Variants in TWSG1 observed in about 807,000 individuals in gnomAD.
The protein encoded by TWSG1 is twisted gastrulation protein homolog 1.
In TWSG1, 15 loss-of-function variants were observed where a neutral mutation model predicts 23.0. The observed-to-expected ratio is 0.65, with a 90% CI of 0.44 to 1.00. The LOEUF (loss-of-function observed/expected upper bound fraction) is 1.00. Ranked by LOEUF, TWSG1 falls within the 50% of genes least tolerant of loss-of-function variation. The probability of loss-of-function intolerance (pLI) is 0.00; values close to 1 mark genes in which losing one functional copy is unlikely to be tolerated. For synonymous variants in TWSG1, 86 were observed against 92.8 expected (o/e 0.93, Z 0.42); for missense variants, 242 against 278.7 (o/e 0.87, Z 0.94).
intron 3 of TWSG1, among the ~76,000 whole-genome samples, chr18:9,387,530 C>T (rs2040690605): frequency 6.6e-6 from 1 of 151,796 alleles, no homozygotes; most frequent in African/African-American, 2.4e-5. Flanking sequence ...TTTGGGAGTC[C>T]GAGGTGGGCA....
intron 2 of TWSG1, among the ~76,000 whole-genome samples, chr18:9,357,320 T>C (rs2040531587): frequency 6.6e-6 from 1 of 152,208 alleles, no homozygotes; most frequent in Admixed American, 6.5e-5. Flanking sequence ...TACACTTATA[T>C]CAAACTAATG....
chr18:9,335,471 A>G (rs112515358), intron 1 of TWSG1, among the ~76,000 whole-genome samples: 116 of 152,378 alleles, frequency 7.6e-4, no homozygotes, highest in African/African-American at 2.7e-3. Context: ...TTTTCCAGTG[A>G]AATTTGGGGA....
intron 4 of TWSG1, 133 bp from the exon 5 acceptor site, chr18:9,399,213 A>G (rs2040751537): frequency 2.2e-6 from 1 of 457,172 alleles, no homozygotes; most frequent in South Asian, 7.3e-5. Context: ...CCTGTACCTC[A>G]TCTTTGTCAT....
intron 3 of TWSG1, among the ~76,000 whole-genome samples, chr18:9,364,478 C>A (rs1438966237): frequency 6.6e-6 from 1 of 152,118 alleles, no homozygotes; most frequent in Non-Finnish European, 1.5e-5. Flanking sequence ...TGACCATTGC[C>A]TGAGTCAGCT....
rs534266336 is a variant in TWSG1, at chr18:9,336,009, CTG to C, written c.-38+1093_-38+1094del. Among the ~76,000 whole-genome samples the C allele has an allele frequency of 3.8e-3, 579 of 152,246 alleles. 4 individuals are homozygous for C. Among genetic ancestry groups the C allele is most frequent in the African/African-American group, 0.013 (551 of 41,540 alleles). On this transcript the variant is annotated intron_variant, in intron 1 of 4. Transcript: ENST00000262120. ...TGTATACTGTTTGGCCCCTGTCAGACTGTGTTTGTGCTAGTCTTTTTTCCTTC... is the reference window on the plus strand; with the variant it reads ...TGTATACTGTTTGGCCCCTGTCAGACTGTTTGTGCTAGTCTTTTTTCCTTC...
intron 3 of TWSG1, among the ~76,000 whole-genome samples, chr18:9,372,917 T>C (rs545587838): frequency 4.6e-5 from 7 of 152,320 alleles, no homozygotes; most frequent in Non-Finnish European, 1.5e-5. Flanking sequence ...ATATTAGTAA[T>C]CATTTTGAAC....
chr18:9,338,902 A>G (rs2040433782), intron 2 of TWSG1, among the ~76,000 whole-genome samples: 1 of 152,250 alleles, frequency 6.6e-6, no homozygotes, highest in South Asian at 2.1e-4. Context: ...TCAAGTAATT[A>G]AAAATTGTAC....
chr18:9,339,898 C>T (rs2040438596), intron 2 of TWSG1, among the ~76,000 whole-genome samples: 1 of 152,290 alleles, frequency 6.6e-6, no homozygotes, highest in Admixed American at 6.5e-5. Flanking sequence ...CTTCACCTAA[C>T]TCAAATGGTG....
At chr18:9,393,853 G>A (rs28455986) in intron 3 of TWSG1, among the ~76,000 whole-genome samples, 27,963 of 152,154 alleles carry the variant, frequency 0.18, 2,738 homozygotes, top group South Asian at 0.24. Context: ...GAGCTATGAT[G>A]TCTGACCTAA....
intron 3 of TWSG1, among the ~76,000 whole-genome samples, chr18:9,366,865 A>G (rs1381612404): frequency 6.6e-6 from 1 of 152,162 alleles, no homozygotes; most frequent in Non-Finnish European, 1.5e-5. Flanking sequence ...TACATTGTGG[A>G]ATGGCTACAT....
chr18:9,387,190 A>G (rs1374280243), intron 3 of TWSG1, among the ~76,000 whole-genome samples: 2 of 152,238 alleles, frequency 1.3e-5, no homozygotes, highest in African/African-American at 4.8e-5. Flanking sequence ...TATCATTGAG[A>G]AGCAGAATAA....
intron 2 of TWSG1, among the ~76,000 whole-genome samples, chr18:9,349,033 T>G (rs2040489919): frequency 6.6e-6 from 1 of 152,182 alleles, no homozygotes; most frequent in Non-Finnish European, 1.5e-5. Context: ...TAAATATTTA[T>G]TTTGTGCTTC....
chr18:9,382,920 T>G (rs1337787666), intron 3 of TWSG1, among the ~76,000 whole-genome samples: 2 of 151,886 alleles, frequency 1.3e-5, no homozygotes, highest in Non-Finnish European at 2.9e-5. Flanking sequence ...TCTCAGCAAC[T>G]TTAGATAACC....
rs879389343 is a variant in TWSG1, at chr18:9,386,163, C to CAA, written c.224-10106_224-10105dup. Among the ~76,000 whole-genome samples, 204 of 128,934 alleles carry CAA rather than the reference C, an allele frequency of 1.6e-3. 1 individual carries two copies. The highest frequency in any genetic ancestry group is 5.8e-3 in the African/African-American group (198 of 34,280). 84.6% of individuals were successfully genotyped at this position (128,934 alleles called of 152,430 possible). On this transcript the variant is annotated intron_variant, in intron 3 of 4. Transcript: ENST00000262120. ...TGAGCAACACAGCGAGAATCTGTCT[C>CAA]AAAAAAAAAAAAGAAGCCGAGTGTG... is the stretch of plus-strand genomic sequence containing the variant.
At chr18:9,346,144 C>T (rs898255075) in intron 2 of TWSG1, among the ~76,000 whole-genome samples, 1 of 152,124 alleles carries the variant, frequency 6.6e-6, no homozygotes, top group Non-Finnish European at 1.5e-5. Context: ...CTCTTCATCC[C>T]TCCCTACCTC....
At chr18:9,380,785 A>G (rs1048245562) in intron 3 of TWSG1, among the ~76,000 whole-genome samples, 1 of 152,210 alleles carries the variant, frequency 6.6e-6, no homozygotes, top group Non-Finnish European at 1.5e-5. Context: ...AAATATGACA[A>G]TTTGAGAGAG....
intron 2 of TWSG1, among the ~76,000 whole-genome samples, chr18:9,349,667 CT>C (rs1214722636): frequency 6.6e-6 from 1 of 152,090 alleles, no homozygotes; most frequent in Non-Finnish European, 1.5e-5. Flanking sequence ...ACTTTTTCTT[CT>C]TTTTTTCTTA....
intron 3 of TWSG1, among the ~76,000 whole-genome samples, chr18:9,365,945 G>A (rs1358704708): frequency 2.6e-5 from 4 of 152,200 alleles, no homozygotes; most frequent in Admixed American, 1.3e-4. Flanking sequence ...GCTTGCGGCT[G>A]TAGTGAGCTA....
chr18:9,348,819 T>A (rs1283304458), intron 2 of TWSG1, among the ~76,000 whole-genome samples: 2 of 152,242 alleles, frequency 1.3e-5, no homozygotes, highest in African/African-American at 4.8e-5. Context: ...ATTGGTTTAG[T>A]TTGAACATTT....
Sources: allele counts gnomAD v4.1 joint callset (sites outside exome capture counted in the v4.1 genomes callset), GRCh38; gene constraint gnomAD v4.1.1; transcripts MANE v1.5; gene names NCBI Gene and HGNC (gene_info 2026-07-23, HGNC 2026-07-21).